Variants in RPGRIP1L observed in about 807,000 individuals in gnomAD.
RPGRIP1L encodes RPGRIP1 like, also known as protein fantom.
In RPGRIP1L, 131 loss-of-function variants were observed where a neutral mutation model predicts 160.4. The ratio of observed to expected loss-of-function variants is 0.82; its 90% CI spans 0.71 to 0.94. The LOEUF is 0.94. Ranked by LOEUF, RPGRIP1L falls within the 40% of genes least tolerant of loss-of-function variation. The pLI is 0.00. For missense variants in RPGRIP1L, 1,522 were observed against 1,535.8 expected, an observed-to-expected ratio of 0.99 and a Z score of 0.15; for synonymous variants, 510 against 515.8, an observed-to-expected ratio of 0.99 and a Z score of 0.15.
intron 6 of RPGRIP1L, among the ~76,000 whole-genome samples, chr16:53,684,976 T>C (rs144762840): frequency 0.011 from 1,651 of 152,070 alleles, 15 homozygotes; most frequent in Middle Eastern, 0.027. Context: ...GACAAAGGTA[T>C]AATATCCAGC....
intron 2 of RPGRIP1L, among the ~76,000 whole-genome samples, chr16:53,699,397 A>AAAT (rs1971188084): frequency 6.6e-6 from 1 of 150,634 alleles, no homozygotes; most frequent in Admixed American, 6.6e-5. Flanking sequence ...AAAAAAAAAA[A>AAAT]AAAAAAAAAA....
rs1377081952 is a variant in RPGRIP1L at position 53,599,366 on chromosome 16, T to A, written c.*2710A>T. On this transcript the variant is annotated 3_prime_UTR_variant, in exon 27 of 27. Coordinates refer to ENST00000647211, the MANE Select transcript of RPGRIP1L (RefSeq NM_015272.5). The stretch of plus-strand genomic sequence containing the variant: ...TGAAACTGAGAGTGAAGAGAAATGT[T>A]CTTTACGTAAACCACACTGTAAACC... The A allele has an allele frequency of 1.3e-5, 2 of 152,256 alleles. No individual in the cohort carries two copies. The highest frequency in any genetic ancestry group is 4.8e-5 in the African/African-American group (2 of 41,458). The allele number at this position is 152,256 out of a possible 1,614,324, so 9.4% of individuals were successfully genotyped here.
intron 17 of RPGRIP1L, 112 bp downstream of exon 17, chr16:53,645,513 A>G (rs1966483259): frequency 2.0e-5 from 20 of 980,788 alleles, no homozygotes; most frequent in Non-Finnish European, 3.0e-5. Context: ...CCTAAAGTTT[A>G]AAGACTGAGA....
At chr16:53,610,904 A>T in intron 25 of RPGRIP1L, 63 bp downstream of exon 25, 1 of 1,302,882 alleles carries the variant, frequency 7.7e-7, no homozygotes, top group Non-Finnish European at 1.1e-6. Context: ...TATTTTAACC[A>T]TGTCCTGCTA....
chr16:53,664,777 G>GCA, intron 10 of RPGRIP1L, 93 bp downstream of exon 10: 1 of 1,399,570 alleles, frequency 7.1e-7, no homozygotes, highest in Non-Finnish European at 1.0e-6. Context: ...GGGGATACTG[G>GCA]CAAACAGTAG....
intron 19 of RPGRIP1L, 107 bp from the exon 20 acceptor site, chr16:53,638,518 T>TAAC (rs763666269): frequency 1.1e-5 from 7 of 636,964 alleles, no homozygotes; most frequent in Non-Finnish European, 2.0e-5. Context: ...GCAGCAAATG[T>TAAC]AACAGTTACT....
At chr16:53,674,706 T>G (rs914048400) in intron 7 of RPGRIP1L, among the ~76,000 whole-genome samples, 2 of 152,114 alleles carry the variant, frequency 1.3e-5, no homozygotes, top group Non-Finnish European at 2.9e-5. Flanking sequence ...GTGTCCATAA[T>G]AAATTCAGAT....
chr16:53,665,283 T>G (rs894762285), intron 9 of RPGRIP1L, among the ~76,000 whole-genome samples: 2 of 152,104 alleles, frequency 1.3e-5, no homozygotes, highest in Non-Finnish European at 2.9e-5. Context: ...GTGGGACTAG[T>G]AAAGGAATTC....
chr16:53,643,695 T>C lies in RPGRIP1L; in HGVS notation c.2683+1930A>G, dbSNP rs117463962. On this transcript the variant is annotated intron_variant, in intron 17 of 26. Transcript: ENST00000647211. ...AACTTAGCTGAAACATCAGTGGCTA[T>C]ACACAGCAGAGGAAATAGATTCTAC... Among the ~76,000 whole-genome samples the C allele has an allele frequency of 2.4e-4, 36 of 152,282 alleles. 1 individual carries two copies. The highest frequency in any genetic ancestry group is 3.7e-4 in the Non-Finnish European group (25 of 68,020).
At position 53,645,745 on chromosome 16, in the gene RPGRIP1L, A is replaced by G. The variant is rs1290419108; in HGVS notation, c.2563T>C (p.Tyr855His). 7 of 1,614,172 alleles carry G rather than the reference A, an allele frequency of 4.3e-6. No individual in the cohort carries two copies. Among genetic ancestry groups the G allele is most frequent in the South Asian group, 1.1e-5 (1 of 91,080 alleles). Reference protein sequence around the residue: ...PVPMNMDLDRYLKSESLSFYV... With the variant: ...PVPMNMDLDRHLKSESLSFYV... ...AAACTCAGAGACTCTGACTTAAGGTATCGATCCAAGTCCATATTCATTGGC... is the reference window on the plus strand; with the variant it reads ...AAACTCAGAGACTCTGACTTAAGGTGTCGATCCAAGTCCATATTCATTGGC... The change falls in exon 17 of 27, where the codon TAC becomes CAC. Residue 855 changes from tyrosine to histidine, a missense_variant. Transcript: ENST00000647211.
chr16:53,648,626 G>GCGCGCACACACA (rs1555602385), intron 16 of RPGRIP1L, among the ~76,000 whole-genome samples: 243 of 144,080 alleles, frequency 1.7e-3, no homozygotes, highest in Non-Finnish European at 2.7e-3. Context: ...GCGCGCGCGC[G>GCGCGCACACACA]CACACACACA....
chr16:53,663,129 T>C (rs1967945551), intron 10 of RPGRIP1L, among the ~76,000 whole-genome samples: 1 of 151,972 alleles, frequency 6.6e-6, no homozygotes, highest in Non-Finnish European at 1.5e-5. Flanking sequence ...GGTTGTGGGA[T>C]TGATTTTTCT....
intron 16 of RPGRIP1L, among the ~76,000 whole-genome samples, chr16:53,648,626 G>GCACA (rs113624342): frequency 0.058 from 8,322 of 143,966 alleles, 282 homozygotes; most frequent in East Asian, 0.096. Flanking sequence ...GCGCGCGCGC[G>GCACA]CACACACACA....
intron 23 of RPGRIP1L, 40 bp downstream of exon 23, chr16:53,622,179 A>G (rs1329030948): frequency 3.3e-6 from 2 of 603,508 alleles, no homozygotes; most frequent in East Asian, 3.0e-5. Context: ...CATGGCCAAC[A>G]TAGTGAAACC....
intron 7 of RPGRIP1L, among the ~76,000 whole-genome samples, chr16:53,673,593 T>A (rs1968923330): frequency 6.6e-6 from 1 of 151,938 alleles, no homozygotes; most frequent in Non-Finnish European, 1.5e-5. Context: ...GTCACATAGT[T>A]TTTTTTTAAA....
intron 22 of RPGRIP1L, among the ~76,000 whole-genome samples, chr16:53,631,893 T>C (rs1398026849): frequency 6.6e-6 from 1 of 152,208 alleles, no homozygotes; most frequent in Non-Finnish European, 1.5e-5. Flanking sequence ...GGGTGGCACA[T>C]TATGTTAATG....
At chr16:53,689,054 G>A (rs900496659) in intron 4 of RPGRIP1L, among the ~76,000 whole-genome samples, 1 of 149,150 alleles carries the variant, frequency 6.7e-6, no homozygotes, top group African/African-American at 2.4e-5. Context: ...ATGGTGATTT[G>A]CCAATGGCTA....
At chr16:53,666,520 T>C (rs1259817985) in intron 9 of RPGRIP1L, among the ~76,000 whole-genome samples, 2 of 151,990 alleles carry the variant, frequency 1.3e-5, no homozygotes, top group African/African-American at 4.8e-5. Context: ...GGCCAAATTG[T>C]ATATATCAAA....
chr16:53,640,391 T>C (rs1011066972), intron 19 of RPGRIP1L, among the ~76,000 whole-genome samples: 46 of 152,202 alleles, frequency 3.0e-4, no homozygotes, highest in Non-Finnish European at 5.0e-4. Context: ...TATGAAAGTG[T>C]CAGCGTATAG....
Sources: gnomAD v4.1 joint callset for allele counts (sites outside exome capture counted in the v4.1 genomes callset) on GRCh38, gnomAD v4.1.1 for gene constraint, MANE v1.5 for transcripts, NCBI Gene and HGNC (gene_info 2026-07-23, HGNC 2026-07-21) for gene names.